Variants in HMGB1 observed in about 807,000 individuals in gnomAD.
The protein encoded by HMGB1 is high mobility group box 1.
For synonymous variants in HMGB1, 81 were observed against 84.0 expected, an observed-to-expected ratio of 0.96 and a Z score of 0.19; for missense variants, 79 against 253.5, an observed-to-expected ratio of 0.31 and a Z score of 4.67.
intron 1 of HMGB1, among the ~76,000 whole-genome samples, chr13:30,605,694 C>T (rs372638625): frequency 6.6e-6 from 1 of 152,332 alleles, no homozygotes; most frequent in East Asian, 1.9e-4. Context: ...GATACATTCT[C>T]TTGAGGCCTT....
intron 1 of HMGB1, among the ~76,000 whole-genome samples, chr13:30,610,215 T>A (rs1013059082): frequency 6.6e-6 from 1 of 152,178 alleles, no homozygotes; most frequent in African/African-American, 2.4e-5. Context: ...AGTGGGCTAT[T>A]AGCAGCTACG....
chr13:30,544,959 C>T (rs187979208), intron 1 of HMGB1, among the ~76,000 whole-genome samples: 2 of 152,314 alleles, frequency 1.3e-5, no homozygotes, highest in Non-Finnish European at 2.9e-5. Context: ...AAACGTGTTC[C>T]TCTGCACTCC....
intron 1 of HMGB1, among the ~76,000 whole-genome samples, chr13:30,533,998 G>A (rs1215822521): frequency 6.6e-6 from 1 of 151,924 alleles, no homozygotes; most frequent in Non-Finnish European, 1.5e-5. Context: ...CCAAGTAGCT[G>A]GGATTACAGG....
At chr13:30,500,389 A>G (rs1033664824) in intron 1 of HMGB1, among the ~76,000 whole-genome samples, 3 of 152,068 alleles carry the variant, frequency 2.0e-5, no homozygotes, top group Non-Finnish European at 4.4e-5. Flanking sequence ...GTGTTTTGAG[A>G]GACAGGGTCC....
chr13:30,538,821 CTTTCT>C (rs1394955367), intron 1 of HMGB1, among the ~76,000 whole-genome samples: 1 of 145,686 alleles, frequency 6.9e-6, no homozygotes, highest in Non-Finnish European at 1.5e-5. Flanking sequence ...CTCCCCCTTT[CTTTCT>C]TTTTTCTTTT....
At chr13:30,536,898 T>A (rs747417880) in intron 1 of HMGB1, among the ~76,000 whole-genome samples, 1 of 152,170 alleles carries the variant, frequency 6.6e-6, no homozygotes, top group Non-Finnish European at 1.5e-5. Context: ...TCGATCCTGC[T>A]CCACAGGGCC....
chr13:30,518,886 T>C (rs1013599364), intron 1 of HMGB1, among the ~76,000 whole-genome samples: 1 of 149,772 alleles, frequency 6.7e-6, no homozygotes, highest in Non-Finnish European at 1.5e-5. Context: ...CACACCCAGC[T>C]AATTTTTTAT....
intron 1 of HMGB1, among the ~76,000 whole-genome samples, chr13:30,492,307 C>G (rs1006517218): frequency 6.6e-6 from 1 of 150,758 alleles, no homozygotes; most frequent in African/African-American, 2.4e-5. Flanking sequence ...CTGGGCAACA[C>G]AGTCAGCCTC....
rs780587448 is a variant in HMGB1, at chr13:30,538,570, T to C, written c.-14-74876A>G. Among the ~76,000 whole-genome samples the C allele has an allele frequency of 5.5e-3, 482 of 88,294 alleles. 17 individuals carry two copies. The highest frequency in any genetic ancestry group is 6.7e-3 in the Non-Finnish European group (325 of 48,838). The allele number at this position is 88,294 out of a possible 152,430, so 57.9% of individuals were successfully genotyped here. ...CTTTCTTTCTTTTTCTTTCTTCTTT[T>C]TCTTTCTTTCTTTCTTTTTCTTTCT... On this transcript the variant is annotated intron_variant, in intron 1 of 4. Coordinates refer to the HMGB1 transcript ENST00000405805.
At chr13:30,591,900 G>A (rs1333456432) in intron 1 of HMGB1, among the ~76,000 whole-genome samples, 1 of 152,026 alleles carries the variant, frequency 6.6e-6, no homozygotes, top group Non-Finnish European at 1.5e-5. Context: ...GTTCTCTTAT[G>A]CTTTACAATA....
In HMGB1 at chr13:30,470,948, C is replaced by CTTAT. The variant is rs61370575; in HGVS notation, c.-14-7258_-14-7255dup. Among the ~76,000 whole-genome samples the CTTAT allele has an allele frequency of 6.6e-3, 998 of 151,066 alleles. 10 individuals carry two copies. The highest frequency in any genetic ancestry group is 0.023 in the African/African-American group (940 of 41,194). On this transcript the variant is annotated intron_variant, in intron 1 of 4. Transcript: ENST00000405805. ...ACAGGTGTGAGCCACCATGCCCAGA[C>CTTAT]TTATTTATTTATTTATTTATTTATA...
intron 1 of HMGB1, among the ~76,000 whole-genome samples, chr13:30,512,759 C>T (rs577790298): frequency 6.6e-6 from 1 of 152,298 alleles, no homozygotes; most frequent in East Asian, 1.9e-4. Flanking sequence ...TCCAGGACCA[C>T]GGTAAACTGA....
intron 1 of HMGB1, among the ~76,000 whole-genome samples, chr13:30,566,704 G>A (rs1336622957): frequency 2.6e-5 from 4 of 152,086 alleles, no homozygotes; most frequent in African/African-American, 9.7e-5. Flanking sequence ...TTCTTACCAT[G>A]ACAATAAGAA....
intron 1 of HMGB1, among the ~76,000 whole-genome samples, chr13:30,522,737 T>TA (rs1407367174): frequency 7.4e-4 from 1 of 1,354 alleles, no homozygotes; most frequent in Non-Finnish European, 2.8e-3. Context: ...TCTAAAAGTC[T>TA]TTTTTTTTTT....
At position 30,474,792 on chromosome 13, in the gene HMGB1, G is replaced by A. The variant is rs1369392475; in HGVS notation, c.-14-11098C>T. Among the ~76,000 whole-genome samples the A allele has an allele frequency of 6.8e-5, 8 of 117,842 alleles. No individual in the cohort carries two copies. The East Asian group carries it at 1.4e-3, about 21-fold the overall frequency. 77.3% of individuals were successfully genotyped at this position (117,842 alleles called of 152,430 possible). A position where few individuals can be genotyped will look rare whatever the true frequency, so the allele number is the denominator to read the frequency against. On this transcript the variant is annotated intron_variant, in intron 1 of 4. Transcript: ENST00000405805. ...TTTTTTTTTTTTTTGAGATGGTTTC[G>A]CTCTATCGCCTAAGCTGGAGTGCAA...
intron 1 of HMGB1, among the ~76,000 whole-genome samples, chr13:30,582,730 G>A (rs774195111): frequency 2.0e-5 from 3 of 151,908 alleles, no homozygotes; most frequent in Non-Finnish European, 4.4e-5. Context: ...AAATCAATTG[G>A]TATATTTGTT....
chr13:30,605,426 A>G (rs1230461577), intron 1 of HMGB1, among the ~76,000 whole-genome samples: 5 of 152,214 alleles, frequency 3.3e-5, no homozygotes, highest in Non-Finnish European at 7.4e-5. Flanking sequence ...CCATCAAAAG[A>G]TACTAAGGAG....
At chr13:30,610,205 A>C (rs1950501000) in intron 1 of HMGB1, among the ~76,000 whole-genome samples, 1 of 151,560 alleles carries the variant, frequency 6.6e-6, no homozygotes, top group Admixed American at 6.5e-5. Flanking sequence ...TCCAGTCATC[A>C]GTGGGCTATT....
intron 1 of HMGB1, among the ~76,000 whole-genome samples, chr13:30,529,001 C>G (rs892582757): frequency 1.5e-5 from 2 of 133,788 alleles, no homozygotes; most frequent in South Asian, 2.3e-4. Context: ...TGCACTCCAG[C>G]CTGGGCGACA....
Sources: allele counts gnomAD v4.1 joint callset (sites outside exome capture counted in the v4.1 genomes callset), GRCh38; gene constraint gnomAD v4.1.1; transcripts MANE v1.5; gene names NCBI Gene and HGNC (gene_info 2026-07-23, HGNC 2026-07-21).